Variants in CHODL observed in about 807,000 individuals in gnomAD.
CHODL encodes the protein transmembrane protein MT75.
CHODL carries 29 observed loss-of-function variants against 34.5 expected under a neutral mutation model. The observed-to-expected ratio is 0.84, with a 90% confidence interval of 0.63 to 1.15. The LOEUF (loss-of-function observed/expected upper bound fraction) is 1.15. CHODL is among the 50% of genes most tolerant of loss of function. The pLI, the probability that CHODL is intolerant of heterozygous loss-of-function variation, is 0.00. For synonymous variants in CHODL, 125 were observed against 116.1 expected, an observed-to-expected ratio of 1.08 and a Z score of -0.49; for missense variants, 332 against 332.5, an observed-to-expected ratio of 1.00 and a Z score of 0.01.
At chr21:18,185,614 C>T (rs1163527689) in intron 2 of CHODL, among the ~76,000 whole-genome samples, 1 of 152,154 alleles carries the variant, frequency 6.6e-6, no homozygotes, top group Non-Finnish European at 1.5e-5. Context: ...TTGCACAGTA[C>T]AAGATCAAAA....
At chr21:18,127,535 T>C (rs2065561441) in intron 2 of CHODL, among the ~76,000 whole-genome samples, 1 of 152,096 alleles carries the variant, frequency 6.6e-6, no homozygotes, top group African/African-American at 2.4e-5. Context: ...TGGGGCAACT[T>C]ACACATCAAT....
At chr21:18,044,548 G>A (rs906982332) in intron 2 of CHODL, among the ~76,000 whole-genome samples, 1 of 151,722 alleles carries the variant, frequency 6.6e-6, no homozygotes, top group Non-Finnish European at 1.5e-5. Flanking sequence ...GACTCATTGT[G>A]GTCCATAAGA....
intron 2 of CHODL, among the ~76,000 whole-genome samples, chr21:18,147,367 C>G (rs907997146): frequency 2.6e-5 from 4 of 152,158 alleles, no homozygotes; most frequent in East Asian, 1.9e-4. Context: ...GCTGGTGGTC[C>G]CCCTGCTGCT....
Position 18,265,219 on chromosome 21 carries a change from GTATA to G in CHODL, c.738-727_738-724del, listed in dbSNP as rs369683491. 5.6e-4 allele frequency among the ~76,000 whole-genome samples: 81 copies of G among 145,630 alleles called. 1 individual carries two copies. The highest frequency in any genetic ancestry group is 6.8e-4 in the Non-Finnish European group (45 of 66,152). On this transcript the variant is annotated intron_variant, in intron 5 of 5. Transcript: ENST00000299295. ...CACACACACACACATATATGTATGT[GTATA>G]TATATATGTGTGTATATATATATGT...
intron 1 of CHODL, among the ~76,000 whole-genome samples, chr21:18,249,691 T>C (rs981624302): frequency 3.9e-5 from 6 of 152,294 alleles, no homozygotes; most frequent in Admixed American, 3.9e-4. Context: ...AGAAACCTGG[T>C]AAAAGCATGG....
intron 1 of CHODL, 33 bp from the exon 2 acceptor site, chr21:18,256,476 A>G (rs2074315466): frequency 1.3e-6 from 2 of 1,543,678 alleles, no homozygotes; most frequent in East Asian, 4.5e-5. Context: ...AGTTCCGATT[A>G]TCAATATATG....
At chr21:17,945,283 A>G (rs1198456780) in intron 1 of CHODL, among the ~76,000 whole-genome samples, 3 of 152,068 alleles carry the variant, frequency 2.0e-5, no homozygotes, top group Non-Finnish European at 2.9e-5. Flanking sequence ...ATGACTAAAA[A>G]AAATTTAGAA....
chr21:18,121,046 C>T (rs2146576876), intron 2 of CHODL, among the ~76,000 whole-genome samples: 1 of 152,218 alleles, frequency 6.6e-6, no homozygotes, highest in South Asian at 2.1e-4. Context: ...ATTTTGTACC[C>T]TGGCTGTCTG....
intron 1 of CHODL, among the ~76,000 whole-genome samples, chr21:18,245,583 C>A (rs1332050705): frequency 6.6e-6 from 1 of 152,136 alleles, no homozygotes; most frequent in Non-Finnish European, 1.5e-5. Flanking sequence ...GGAGTGATTT[C>A]CACTTTCTTT....
chr21:17,988,040 C>T (rs1431890881), intron 1 of CHODL, among the ~76,000 whole-genome samples: 8 of 143,748 alleles, frequency 5.6e-5, no homozygotes, highest in African/African-American at 2.1e-4. Flanking sequence ...TTATCTACTT[C>T]AAAAAAATCC....
intron 1 of CHODL, among the ~76,000 whole-genome samples, chr21:18,011,590 G>C (rs966882337): frequency 6.6e-6 from 1 of 152,140 alleles, no homozygotes; most frequent in African/African-American, 2.4e-5. Context: ...GTTCACTACA[G>C]CTCTTGCTGA....
intron 2 of CHODL, among the ~76,000 whole-genome samples, chr21:18,093,841 C>A (rs78478305): frequency 6.6e-6 from 1 of 151,958 alleles, no homozygotes; most frequent in South Asian, 2.1e-4. Flanking sequence ...TGGGAAACAA[C>A]CTGAAAACAC....
At chr21:18,050,368 C>T (rs191953667) in intron 2 of CHODL, among the ~76,000 whole-genome samples, 55 of 151,954 alleles carry the variant, frequency 3.6e-4, no homozygotes, top group Non-Finnish European at 5.7e-4. Flanking sequence ...TCCTTGAACA[C>T]GTTTAAGCAA....
intron 1 of CHODL, among the ~76,000 whole-genome samples, chr21:17,947,060 A>T (rs2063416036): frequency 6.6e-6 from 1 of 152,142 alleles, no homozygotes. Context: ...TAAATTATTA[A>T]TACTAGTAAG....
intron 2 of CHODL, among the ~76,000 whole-genome samples, chr21:18,169,955 A>C (rs914591475): frequency 2.0e-5 from 3 of 151,884 alleles, no homozygotes; most frequent in African/African-American, 7.2e-5. Flanking sequence ...AAATCCAGTT[A>C]TTTTATGGTG....
chr21:18,138,464 T>C (rs2072762593), intron 2 of CHODL, among the ~76,000 whole-genome samples: 1 of 152,216 alleles, frequency 6.6e-6, no homozygotes, highest in Non-Finnish European at 1.5e-5. Context: ...TAACTATCAA[T>C]TAAAATGTGA....
rs572106769 is a variant in CHODL at position 18,213,777 on chromosome 21, A to G, written c.-44-42732A>G. Reference sequence around the variant, plus strand: ...TATACAAGTATAGGGGTTTTTATCTATAAAATTGAGGCAGCAGGAAAAAGA... The same window carrying G: ...TATACAAGTATAGGGGTTTTTATCTGTAAAATTGAGGCAGCAGGAAAAAGA... On this transcript the variant is annotated intron_variant, in intron 2 of 6. Transcript: ENST00000400127. Among the ~76,000 whole-genome samples, 7 of 152,202 alleles carry G rather than the reference A, an allele frequency of 4.6e-5. No individual in the cohort carries two copies. In the South Asian group the frequency reaches 1.2e-3, roughly 27 times the overall value.
At chr21:18,091,900 T>C (rs2065078870) in intron 2 of CHODL, among the ~76,000 whole-genome samples, 1 of 152,098 alleles carries the variant, frequency 6.6e-6, no homozygotes, top group African/African-American at 2.4e-5. Flanking sequence ...GGAAGGACTT[T>C]GTATTGTGGT....
intron 1 of CHODL, among the ~76,000 whole-genome samples, chr21:17,994,102 A>G (rs923098593): frequency 6.6e-6 from 1 of 152,056 alleles, no homozygotes; most frequent in South Asian, 2.1e-4. Flanking sequence ...TTAGGTCTCT[A>G]TTGAGTTCTG....
Sources: allele counts gnomAD v4.1 joint callset (sites outside exome capture counted in the v4.1 genomes callset), GRCh38; gene constraint gnomAD v4.1.1; transcripts MANE v1.5; gene names NCBI Gene and HGNC (gene_info 2026-07-23, HGNC 2026-07-21).